The following TSPAN4 variants were observed in gnomAD, a reference collection of about 807,000 sequenced individuals.
TSPAN4 encodes tetraspanin-4.
Under a neutral mutation model 31.5 loss-of-function variants are expected in TSPAN4, and 38 were observed. The ratio of observed to expected loss-of-function variants is 1.21; its 90% CI spans 0.93 to 1.58. The LOEUF (loss-of-function observed/expected upper bound fraction) is 1.58, where lower values mean the gene tolerates loss of function less well. TSPAN4 is among the 40% of genes most tolerant of loss of function. TSPAN4 has a pLI of 0.00. For synonymous variants in TSPAN4, 186 were observed against 144.6 expected (o/e 1.29, Z -2.06); for missense variants, 330 against 317.3 (o/e 1.04, Z -0.30).
At position 866,885 on chromosome 11, in the gene TSPAN4, C is replaced by T. The variant is rs1041934324; in HGVS notation, c.*255C>T. The T allele has an allele frequency of 1.1e-5, 5 of 473,732 alleles. No homozygotes were observed. Among genetic ancestry groups the T allele is most frequent in the Non-Finnish European group, 1.5e-5 (4 of 265,016 alleles). 29.3% of individuals were successfully genotyped at this position (473,732 alleles called of 1,614,324 possible). A position where few individuals can be genotyped will look rare whatever the true frequency, so the allele number is the denominator to read the frequency against. ...CCAGGGCAGGGGTGGGAGGGGCCTC[C>T]AGCACTTTTTATATTTACGTATTCT... On this transcript the variant is annotated 3_prime_UTR_variant, in exon 9 of 9. Transcript: ENST00000397397.
At chr11:861,048 C>T (rs879586073) in intron 3 of TSPAN4, among the ~76,000 whole-genome samples, 22 of 152,212 alleles carry the variant, frequency 1.4e-4, no homozygotes, top group Admixed American at 3.9e-4. Flanking sequence ...GGCCCAAGCC[C>T]GAGGCCTCTG....
chr11:850,499 G>A, intron 3 of TSPAN4, 132 bp downstream of exon 3: 1 of 765,236 alleles, frequency 1.3e-6, no homozygotes. Flanking sequence ...GGTCCCGGGA[G>A]GACCCAAGAC....
Position 850,355 on chromosome 11 carries a change from C to G in TSPAN4, c.51C>G (p.Asn17Lys). 2 of 1,604,798 alleles carry G rather than the reference C, an allele frequency of 1.2e-6. No homozygotes were observed. The highest frequency in any genetic ancestry group is 1.7e-4 in the Middle Eastern group (1 of 6,056). Residue 17 changes from asparagine (N) to lysine (K), a missense_variant, in exon 3 of 9, where the codon AAC becomes AAG. By Grantham distance (94) the Asn-to-Lys change is moderately conservative (BLOSUM62 0). Transcript: ENST00000397397. ...TCAAGTACCTCATGTTCGCCTTCAA[C>G]CTGCTCTTCTGGGTGAGTCCGGGGG... is the stretch of plus-strand genomic sequence containing the variant. ...QAVKYLMFAF[N>K]LLFWLGGCGV...
At chr11:861,125 CCTCT>C (rs1848431362) in intron 3 of TSPAN4, among the ~76,000 whole-genome samples, 1 of 152,300 alleles carries the variant, frequency 6.6e-6, no homozygotes, top group African/African-American at 2.4e-5. Context: ...AGCCTAGCAC[CCTCT>C]CTCTGGGCGC....
rs1848879286 is a variant in TSPAN4 at position 866,803 on chromosome 11, G to A, written c.*173G>A. On this transcript the variant is annotated 3_prime_UTR_variant, in exon 9 of 9. Transcript: ENST00000397397. ...GTTTCTGGAAGGCCCTAGCTCAGGT[G>A]GCTTCAGGGCCTCCGGACCCCCCCT... is the stretch of plus-strand genomic sequence containing the variant. 2 of 665,540 alleles carry A rather than the reference G, an allele frequency of 3.0e-6. No individual in the cohort carries two copies. The highest frequency in any genetic ancestry group is 4.8e-6 in the Non-Finnish European group (2 of 412,554). The allele number at this position is 665,540 out of a possible 1,614,324, so 41.2% of individuals were successfully genotyped here. A position where few individuals can be genotyped will look rare whatever the true frequency, so the allele number is the denominator to read the frequency against.
At position 850,370 on chromosome 11, in the gene TSPAN4, G is replaced by C; in HGVS notation, c.63+3G>C. The C allele has an allele frequency of 6.2e-7, 1 of 1,600,924 alleles. No individual in the cohort carries two copies. Among genetic ancestry groups the C allele is most frequent in the Non-Finnish European group, 8.5e-7 (1 of 1,178,442 alleles). On this transcript the variant is annotated splice_donor_region_variant and intron_variant, in intron 3 of 8. Transcript: ENST00000397397. ...TCGCCTTCAACCTGCTCTTCTGGGT[G>C]AGTCCGGGGGCCGGGGTGGGGGCCC...
chr11:849,798 G>GGCGCGGGGCGGGGC (rs1271212018), intron 2 of TSPAN4: 3 of 147,772 alleles, frequency 2.0e-5, no homozygotes, highest in African/African-American at 4.9e-5. Flanking sequence ...TGGCCGGGAG[G>GGCGCGGGGCGGGGC]GCGCGGGGCG....
At position 865,756 on chromosome 11, in the gene TSPAN4, A is replaced by G; in HGVS notation, c.495A>G (p.Val165=). The change falls in exon 7 of 9, where the codon GTA becomes GTG. Residue 165 remains valine (V), a synonymous_variant. Transcript: ENST00000397397. ...DWFEVYNATR[V]PDSCCLEFSE... The stretch of plus-strand genomic sequence containing the variant: ...TCGAGGTGTACAACGCCACGCGGGT[A>G]CCTGACTCCTGCTGCTTGGAGTTCA... 8.1e-6 allele frequency: 13 copies of G among 1,613,056 alleles called. No homozygotes were observed. The highest frequency in any genetic ancestry group is 1.1e-5 in the Non-Finnish European group (13 of 1,179,832).
chr11:866,151 A>AG (rs2134075993), intron 8 of TSPAN4, 150 bp downstream of exon 8: 1 of 820,622 alleles, frequency 1.2e-6, no homozygotes, highest in East Asian at 2.7e-5. Context: ...GGGGATGGGC[A>AG]GGGACGGCCT....
chr11:845,689 C>T (rs2133981846), intron 1 of TSPAN4, among the ~76,000 whole-genome samples: 1 of 152,118 alleles, frequency 6.6e-6, no homozygotes, highest in African/African-American at 2.4e-5. Flanking sequence ...CTGTTGCCTT[C>T]ACCCCCGACT....
At chr11:861,795 C>A (rs1362064563) in intron 3 of TSPAN4, among the ~76,000 whole-genome samples, 2 of 152,032 alleles carry the variant, frequency 1.3e-5, no homozygotes, top group Non-Finnish European at 2.9e-5. Flanking sequence ...GGGGGCATGC[C>A]TGTAATCCCA....
chr11:863,325 GGCC>G (rs1848579653), intron 4 of TSPAN4: 1 of 152,308 alleles, frequency 6.6e-6, no homozygotes, highest in East Asian at 1.9e-4. Flanking sequence ...TAACATGCCT[GGCC>G]GAGGCCGTGG....
chr11:866,754 G>A lies in TSPAN4; in HGVS notation c.*124G>A. 1 of 991,814 alleles carries A rather than the reference G, an allele frequency of 1.0e-6. No homozygotes were observed. The highest frequency in any genetic ancestry group is 1.4e-6 in the Non-Finnish European group (1 of 698,202). The allele number at this position is 991,814 out of a possible 1,614,324, so 61.4% of individuals were successfully genotyped here. A position where few individuals can be genotyped will look rare whatever the true frequency, so the allele number is the denominator to read the frequency against. ...TGCTGGGAGGAGGGAGGGAGGGACA[G>A]GTGCCTGGAGCCCCCGGAACCCTGT... is the stretch of plus-strand genomic sequence containing the variant. On this transcript the variant is annotated 3_prime_UTR_variant, in exon 9 of 9. Coordinates refer to ENST00000397397, the MANE Select transcript of TSPAN4 (RefSeq NM_003271.5).
chr11:864,771 C>CT (rs1172260952), intron 5 of TSPAN4: 25 of 568,814 alleles, frequency 4.4e-5, no homozygotes, highest in Non-Finnish European at 7.3e-5. Context: ...CCCCCGCCCT[C>CT]TGACGCAGCG....
intron 5 of TSPAN4, chr11:864,755 G>A (rs909202198): frequency 6.8e-6 from 4 of 584,908 alleles, no homozygotes; most frequent in Non-Finnish European, 1.2e-5. Context: ...GTGCGCCCCA[G>A]GTTGTCCCCC....
chr11:865,766 T>A lies in TSPAN4; in HGVS notation c.505T>A (p.Cys169Ser). 6.2e-7 allele frequency: 1 copy of A among 1,613,008 alleles called. No individual in the cohort carries two copies. The highest frequency in any genetic ancestry group is 8.5e-7 in the Non-Finnish European group (1 of 1,179,838). Residue 169 changes from cysteine to serine, a missense_variant, in exon 7 of 9, where the codon TGC becomes AGC. Cys to Ser is a moderately radical substitution (Grantham distance 112). Transcript: ENST00000397397. Reference protein sequence around the residue: ...VYNATRVPDSCCLEFSESCGL... With the variant: ...VYNATRVPDSSCLEFSESCGL... Reference sequence around the variant, plus strand: ...CAACGCCACGCGGGTACCTGACTCCTGCTGCTTGGAGTTCAGTGAGAGCTG... The same window carrying A: ...CAACGCCACGCGGGTACCTGACTCCAGCTGCTTGGAGTTCAGTGAGAGCTG...
rs1476453116 is a variant in TSPAN4 at position 850,335 on chromosome 11, T to G, written c.31T>G (p.Tyr11Asp). 1.2e-6 allele frequency: 2 copies of G among 1,607,190 alleles called. No homozygotes were observed. Residue 11 changes from tyrosine (Y) to aspartate (D), a missense_variant, in exon 3 of 9, where the codon TAC (tyrosine) becomes GAC (aspartate). Tyr to Asp is a radical substitution (Grantham distance 160). Transcript: ENST00000397397. ...GCGCGCCTGCCTCCAGGCCGTCAAG[T>G]ACCTCATGTTCGCCTTCAACCTGCT... MARACLQAVK[Y>D]LMFAFNLLFW...
At position 865,539 on chromosome 11, in the gene TSPAN4, GAAGA is replaced by G. The variant is rs1278174708; in HGVS notation, c.361_364del (p.Lys121AlafsTer73). ...TTGACAGGTATGCCCAGCAAGACCT[GAAGA>G]AAGGCTTGCACCTGTACGGCACGCA... On this transcript the variant is annotated frameshift_variant, in exon 6 of 9. Coordinates refer to ENST00000397397, the MANE Select transcript of TSPAN4 (RefSeq NM_003271.5). LOFTEE classifies it high-confidence loss of function. The G allele has an allele frequency of 6.2e-7, 1 of 1,612,158 alleles. No individual in the cohort carries two copies. Among genetic ancestry groups the G allele is most frequent in the South Asian group, 1.1e-5 (1 of 91,048 alleles).
intron 5 of TSPAN4, chr11:865,078 G>A (rs1034193748): frequency 5.9e-5 from 11 of 186,194 alleles, no homozygotes; most frequent in African/African-American, 1.4e-4. Flanking sequence ...ACTGCAGGGC[G>A]CTCCAGGCTC....
Sources: allele counts gnomAD v4.1 joint callset (sites outside exome capture counted in the v4.1 genomes callset), GRCh38; gene constraint gnomAD v4.1.1; transcripts MANE v1.5; gene names NCBI Gene and HGNC (gene_info 2026-07-23, HGNC 2026-07-21).